The following RAP1GDS1 variants were observed in gnomAD, a reference collection of about 807,000 sequenced individuals.
RAP1GDS1 encodes the protein Rap1 GTPase-GDP dissociation stimulator 1.
Under a neutral mutation model 71.1 loss-of-function variants are expected in RAP1GDS1, and 35 were observed. The ratio of observed to expected loss-of-function variants is 0.49; its 90% confidence interval spans 0.38 to 0.65. The LOEUF (loss-of-function observed/expected upper bound fraction) is 0.65, where lower values mean the gene tolerates loss of function less well. RAP1GDS1 is among the 30% of genes least tolerant of loss of function. The pLI, the probability that RAP1GDS1 is intolerant of heterozygous loss-of-function variation, is 0.00. For synonymous variants in RAP1GDS1, 229 were observed against 243.1 expected (o/e 0.94, Z 0.54); for missense variants, 663 against 706.1 (o/e 0.94, Z 0.69).
rs570567365 is a variant in RAP1GDS1 at position 98,313,009 on chromosome 4, C to A, written c.112+19494C>A. 3.1e-5 allele frequency among the ~76,000 whole-genome samples: 4 copies of A among 130,716 alleles called. No homozygotes were observed. In the South Asian group the frequency reaches 7.4e-4, roughly 24 times the overall value. The allele number at this position is 130,716 out of a possible 152,430, so 85.8% of individuals were successfully genotyped here. A position where few individuals can be genotyped will look rare whatever the true frequency, so the allele number is the denominator to read the frequency against. ...GCATGAACTTGGGAGGTGGAACTTG[C>A]AGTGAGCCGAGATCACACCACTGCA... is the stretch of plus-strand genomic sequence containing the variant. On this transcript the variant is annotated intron_variant, in intron 2 of 14. Transcript: ENST00000408927.
intron 2 of RAP1GDS1, among the ~76,000 whole-genome samples, chr4:98,325,508 A>T (rs1732878427): frequency 6.6e-6 from 1 of 151,596 alleles, no homozygotes. Context: ...AATAGCAAAG[A>T]CTTGGAACCA....
At chr4:98,324,475 C>A (rs1732588843) in intron 2 of RAP1GDS1, among the ~76,000 whole-genome samples, 1 of 149,752 alleles carries the variant, frequency 6.7e-6, no homozygotes, top group Admixed American at 6.6e-5. Context: ...CAATCCTAAG[C>A]CAAAAGAACA....
chr4:98,376,714 T>C (rs1741235131), intron 4 of RAP1GDS1, among the ~76,000 whole-genome samples: 1 of 152,070 alleles, frequency 6.6e-6, no homozygotes. Flanking sequence ...ACTATTATTG[T>C]AATACATGCT....
At chr4:98,390,681 C>T (rs1251084089) in intron 5 of RAP1GDS1, among the ~76,000 whole-genome samples, 3 of 152,044 alleles carry the variant, frequency 2.0e-5, no homozygotes, top group South Asian at 4.1e-4. Context: ...TAGCTCAACT[C>T]TGTATGTTCT....
chr4:98,420,732 G>A lies in RAP1GDS1; in HGVS notation c.1301-523G>A, dbSNP rs544689251. On this transcript the variant is annotated intron_variant, in intron 11 of 14. Coordinates refer to ENST00000408927, the MANE Select transcript of RAP1GDS1 (RefSeq NM_001100427.2). ...GTACTTATAGTCCTGGTTTTAGGTT[G>A]CTTTATTCATCAGTTTCGGCAGGGG... Among the ~76,000 whole-genome samples, 1,005 of 152,178 alleles carry A rather than the reference G, an allele frequency of 6.6e-3. 7 individuals carry two copies. Among genetic ancestry groups the A allele is most frequent in the Non-Finnish European group, 0.01 (692 of 68,000 alleles).
intron 2 of RAP1GDS1, among the ~76,000 whole-genome samples, chr4:98,310,633 T>A (rs886922157): frequency 2.6e-5 from 4 of 152,130 alleles, no homozygotes; most frequent in African/African-American, 9.7e-5. Flanking sequence ...TGTATTATAC[T>A]CTGAATTACT....
rs980459603 is a variant in RAP1GDS1, at chr4:98,318,030, A to T, written c.112+24515A>T. ...GCTAATTTTTGTATTTTTAGTAGAG[A>T]CGGGGTTTCACCATGTTGGTCAGGC... On this transcript the variant is annotated intron_variant, in intron 2 of 14. Coordinates refer to ENST00000408927, the MANE Select transcript of RAP1GDS1 (RefSeq NM_001100427.2). 1.3e-5 allele frequency among the ~76,000 whole-genome samples: 2 copies of T among 151,872 alleles called. 1 individual carries two copies. Among genetic ancestry groups the T allele is most frequent in the Middle Eastern group, 6.8e-3 (2 of 294 alleles).
intron 7 of RAP1GDS1, chr4:98,409,754 C>A: frequency 2.1e-6 from 1 of 475,958 alleles, no homozygotes; most frequent in East Asian, 6.0e-5. Context: ...CCTATGAATT[C>A]ATGGCATAAT....
At chr4:98,333,448 T>C (rs1326227448) in intron 2 of RAP1GDS1, among the ~76,000 whole-genome samples, 1 of 152,066 alleles carries the variant, frequency 6.6e-6, no homozygotes, top group Admixed American at 6.5e-5. Context: ...ATTTTTATGT[T>C]AAAAATAGAC....
chr4:98,360,960 T>C lies in RAP1GDS1; in HGVS notation c.361+8359T>C, dbSNP rs545091624. Among the ~76,000 whole-genome samples, 5 of 151,740 alleles carry C rather than the reference T, an allele frequency of 3.3e-5. No individual in the cohort carries two copies. In the East Asian group the frequency reaches 9.7e-4, roughly 29 times the overall value. On this transcript the variant is annotated intron_variant, in intron 4 of 14. Transcript: ENST00000408927. ...AAAACTAGCCAGGCATGGTGGCATA[T>C]ACCTGTAATTCCAGCTTTGGGAGGC...
At chr4:98,370,373 C>G (rs1163209779) in intron 4 of RAP1GDS1, among the ~76,000 whole-genome samples, 1 of 152,116 alleles carries the variant, frequency 6.6e-6, no homozygotes, top group African/African-American at 2.4e-5. Context: ...CCATGTAAAT[C>G]TACCTATTGT....
chr4:98,413,716 G>C (rs952348618), intron 7 of RAP1GDS1, among the ~76,000 whole-genome samples: 1 of 151,996 alleles, frequency 6.6e-6, no homozygotes, highest in Non-Finnish European at 1.5e-5. Context: ...ATGATTTATA[G>C]TCATTTGGGT....
chr4:98,343,541 C>G (rs1420147572), intron 3 of RAP1GDS1, among the ~76,000 whole-genome samples: 2 of 152,188 alleles, frequency 1.3e-5, no homozygotes, highest in South Asian at 2.1e-4. Flanking sequence ...GTATAAGATT[C>G]TTGAACTTGC....
intron 12 of RAP1GDS1, among the ~76,000 whole-genome samples, chr4:98,431,644 C>A (rs1184218728): frequency 6.6e-6 from 1 of 152,202 alleles, no homozygotes; most frequent in Admixed American, 6.5e-5. Flanking sequence ...TGAACTTGGG[C>A]AAATGACTTC....
intron 13 of RAP1GDS1, among the ~76,000 whole-genome samples, chr4:98,436,076 A>G (rs1751089613): frequency 7.0e-6 from 1 of 143,718 alleles, no homozygotes; most frequent in Non-Finnish European, 1.5e-5. Context: ...GTCTCAAAAA[A>G]AAAATATATA....
At chr4:98,389,658 T>TA (rs1168354325) in intron 5 of RAP1GDS1, among the ~76,000 whole-genome samples, 1 of 152,176 alleles carries the variant, frequency 6.6e-6, no homozygotes, top group Non-Finnish European at 1.5e-5. Flanking sequence ...CAATCTGCCA[T>TA]AATTTCAAAT....
chr4:98,308,617 T>C (rs1454922614), intron 2 of RAP1GDS1, among the ~76,000 whole-genome samples: 1 of 152,034 alleles, frequency 6.6e-6, no homozygotes. Flanking sequence ...TTGAGAGCAT[T>C]AATAATAAGG....
intron 5 of RAP1GDS1, chr4:98,387,438 C>T: frequency 2.2e-6 from 1 of 456,084 alleles, no homozygotes; most frequent in Middle Eastern, 3.3e-4. Flanking sequence ...CTCTCCAGAT[C>T]TCCATTCTTT....
chr4:98,272,153 C>G (rs1486904384), intron 1 of RAP1GDS1, among the ~76,000 whole-genome samples: 1 of 152,154 alleles, frequency 6.6e-6, no homozygotes, highest in East Asian at 1.9e-4. Context: ...GAGGCGGAAT[C>G]AAAGATACTA....
Sources: allele counts gnomAD v4.1 joint callset (sites outside exome capture counted in the v4.1 genomes callset), GRCh38; gene constraint gnomAD v4.1.1; transcripts MANE v1.5; gene names NCBI Gene and HGNC (gene_info 2026-07-23, HGNC 2026-07-21).